The following COQ8A variants were observed in gnomAD, a reference collection of about 807,000 sequenced individuals.
COQ8A encodes coenzyme Q8A, also known as atypical kinase COQ8A, mitochondrial.
COQ8A carries 51 observed loss-of-function variants against 65.0 expected under a neutral mutation model. The ratio of observed to expected loss-of-function variants is 0.78; its 90% CI spans 0.63 to 0.99. The LOEUF is 0.99. Ranked by LOEUF, COQ8A falls within the 50% of genes least tolerant of loss-of-function variation. The probability of loss-of-function intolerance (pLI) is 0.00; values close to 1 mark genes in which losing one functional copy is unlikely to be tolerated. For missense variants in COQ8A, 940 were observed against 875.0 expected, an observed-to-expected ratio of 1.07 and a Z score of -0.94; for synonymous variants, 371 against 353.2, an observed-to-expected ratio of 1.05 and a Z score of -0.57.
In COQ8A at chr1:226,983,866, G is replaced by A. The variant is rs772918474; in HGVS notation, c.1256+12G>A. The A allele has an allele frequency of 2.6e-5, 42 of 1,597,344 alleles. No individual in the cohort carries two copies. The highest frequency in any genetic ancestry group is 5.5e-5 in the South Asian group (5 of 90,524). On this transcript the variant is annotated intron_variant, in intron 10 of 14. Coordinates refer to ENST00000366777, the MANE Select transcript of COQ8A (RefSeq NM_020247.5). ...GCCCGCAAGTTCAGGTGTGGCCCCCGGCCGGGCCCCTTGCGTGTTTGCACC... is the reference window on the plus strand; with the variant it reads ...GCCCGCAAGTTCAGGTGTGGCCCCCAGCCGGGCCCCTTGCGTGTTTGCACC...
In COQ8A at chr1:226,978,604, TACACACCCGCCCACCTTACACTCC is replaced by T. The variant is rs1467196463; in HGVS notation, c.730+1098_730+1121del. Among the ~76,000 whole-genome samples, 495 of 66,390 alleles carry T rather than the reference TACACACCCGCCCACCTTACACTCC, an allele frequency of 7.5e-3. 34 individuals are homozygous for T. The highest frequency in any genetic ancestry group is 0.019 in the African/African-American group (456 of 23,678). 43.6% of individuals were successfully genotyped at this position (66,390 alleles called of 152,430 possible). On this transcript the variant is annotated intron_variant, in intron 5 of 14. Transcript: ENST00000366777. ...CACACTCTCCACACACTCTACCCTC[TACACACCCGCCCACCTTACACTCC>T]ACACACCCGCCCACCTCCTTACCCT... is the stretch of plus-strand genomic sequence containing the variant.
chr1:226,960,391 A>AGTGGTACTTG lies in COQ8A; in HGVS notation c.-9-981_-9-980insACTTGGTGGT, dbSNP rs1658132693. Among the ~76,000 whole-genome samples the AGTGGTACTTG allele has an allele frequency of 3.5e-4, 2 of 5,652 alleles. 1 individual carries two copies. Among genetic ancestry groups the AGTGGTACTTG allele is most frequent in the African/African-American group, 2.3e-3 (2 of 874 alleles). The allele number at this position is 5,652 out of a possible 152,430, so 3.7% of individuals were successfully genotyped here. ...GGTGGTGGTGGTACTTGGTGGTGTC[A>AGTGGTACTTG]GTGGTGGTACTTGGTGGTGGCGGTG... On this transcript the variant is annotated intron_variant, in intron 1 of 14. Coordinates refer to ENST00000366777, the MANE Select transcript of COQ8A (RefSeq NM_020247.5).
At position 226,977,898 on chromosome 1, in the gene COQ8A, C is replaced by T. The variant is rs117760107; in HGVS notation, c.730+375C>T. On this transcript the variant is annotated intron_variant, in intron 5 of 14. Coordinates refer to ENST00000366777, the MANE Select transcript of COQ8A (RefSeq NM_020247.5). The stretch of plus-strand genomic sequence containing the variant: ...CCCGCAGACCTTACCCCTTCCACAC[C>T]CAGCGAACACGCGCACACCTTACAC... Among the ~76,000 whole-genome samples the T allele has an allele frequency of 2.4e-3, 365 of 150,106 alleles. 9 individuals carry two copies. The East Asian group carries it at 0.047, about 19-fold the overall frequency.
At chr1:226,981,204 C>CAGCA (rs1659663076) in intron 5 of COQ8A, among the ~76,000 whole-genome samples, 1 of 152,226 alleles carries the variant, frequency 6.6e-6, no homozygotes, top group Admixed American at 6.5e-5. Flanking sequence ...CCTCTGTCTG[C>CAGCA]CTCTGGATAG....
chr1:226,949,771 G>A lies in COQ8A; in HGVS notation c.-10+9372G>A, dbSNP rs1391538186. On this transcript the variant is annotated intron_variant, in intron 1 of 14. Transcript: ENST00000366777. This position sits in a 1 kb window ranked among gnomAD's most constrained non-coding sequence, Gnocchi z 4.0. ...TGCAATACTACTACTAATAATAATG[G>A]CATTAGCTAATGGTTTTTAAGCACC... 1.3e-5 allele frequency among the ~76,000 whole-genome samples: 2 copies of A among 152,128 alleles called. No homozygotes were observed. Among genetic ancestry groups the A allele is most frequent in the East Asian group, 3.8e-4 (2 of 5,200 alleles).
intron 1 of COQ8A, among the ~76,000 whole-genome samples, chr1:226,959,319 G>A (rs1658004626): frequency 6.6e-6 from 1 of 152,016 alleles, no homozygotes; most frequent in African/African-American, 2.4e-5. Flanking sequence ...TGAGGTGGGA[G>A]GATCAGTTGA....
chr1:226,983,998 TGAA>T, intron 10 of COQ8A, 93 bp from the exon 11 acceptor site: 1 of 1,435,380 alleles, frequency 7.0e-7, no homozygotes, highest in Non-Finnish European at 9.3e-7. Context: ...CTGCCTGGGG[TGAA>T]GGAGGGCCCT....
chr1:226,983,566 C>T lies in COQ8A; in HGVS notation c.1095C>T (p.Ala365=), dbSNP rs776677906. Reference sequence around the variant, plus strand: ...TACCCCCACAGTACCCTGGCGTGGCCCAGAGCATCAACAGTGATGTCAACA... The same window carrying T: ...TACCCCCACAGTACCCTGGCGTGGCTCAGAGCATCAACAGTGATGTCAACA... ...VAMKIQYPGV[A]QSINSDVNNL... is the part of the protein sequence containing the mutation. Residue 365 remains alanine (A), a synonymous_variant, in exon 9 of 15, where the codon GCC becomes GCT. Coordinates refer to ENST00000366777, the MANE Select transcript of COQ8A (RefSeq NM_020247.5). 1.9e-6 allele frequency: 3 copies of T among 1,613,862 alleles called. No homozygotes were observed. Among genetic ancestry groups the T allele is most frequent in the Non-Finnish European group, 2.5e-6 (3 of 1,179,992 alleles).
Position 226,965,489 on chromosome 1 carries a change from T to C in COQ8A, c.588+79T>C, listed in dbSNP as rs1320025897. The C allele has an allele frequency of 4.5e-6, 7 of 1,563,112 alleles. No homozygotes were observed. The African/African-American group carries it at 6.7e-5, about 15-fold the overall frequency. ...TGGCCTTGGGCTCTGCTCTAGGGAC[T>C]TTTCCTGGGTGCTGTGGTCTGGGGT... On this transcript the variant is annotated intron_variant, in intron 3 of 14. Transcript: ENST00000366777.
At chr1:226,985,855 G>A (rs985909903) in intron 14 of COQ8A, among the ~76,000 whole-genome samples, 1 of 152,184 alleles carries the variant, frequency 6.6e-6, no homozygotes, top group African/African-American at 2.4e-5. Context: ...GTCATTTGAG[G>A]CTTGTCAGTA....
chr1:226,964,854 C>A, intron 2 of COQ8A, 146 bp from the exon 3 acceptor site: 1 of 897,194 alleles, frequency 1.1e-6, no homozygotes, highest in East Asian at 2.6e-5. Context: ...GGAAGGGTGC[C>A]GGGCCTCAGG....
Position 226,983,542 on chromosome 1 carries a change from A to G in COQ8A, c.1081-10A>G. 6.2e-7 allele frequency: 1 copy of G among 1,613,276 alleles called. No homozygotes were observed. The highest frequency in any genetic ancestry group is 8.5e-7 in the Non-Finnish European group (1 of 1,179,694). On this transcript the variant is annotated splice_polypyrimidine_tract_variant and intron_variant, in intron 8 of 14. Transcript: ENST00000366777. ...GGGCTAACTCCCCTGCCTCACCCAT[A>G]CCCCCACAGTACCCTGGCGTGGCCC... is the stretch of plus-strand genomic sequence containing the variant.
At position 226,960,461 on chromosome 1, in the gene COQ8A, A is replaced by T. The variant is rs1346557896; in HGVS notation, c.-9-916A>T. Among the ~76,000 whole-genome samples, 197 of 108,164 alleles carry T rather than the reference A, an allele frequency of 1.8e-3. 3 individuals are homozygous for T. Among genetic ancestry groups the T allele is most frequent in the Non-Finnish European group, 2.0e-3 (111 of 54,324 alleles). 71.0% of individuals were successfully genotyped at this position (108,164 alleles called of 152,430 possible). On this transcript the variant is annotated intron_variant, in intron 1 of 14. Transcript: ENST00000366777. Reference sequence around the variant, plus strand: ...GGTGGTACTTGGTGGTGGTGGCAGTACTTGGTGGTGGTGGCAGTGGTACTT... The same window carrying T: ...GGTGGTACTTGGTGGTGGTGGCAGTTCTTGGTGGTGGTGGCAGTGGTACTT...
At chr1:226,976,831 C>T (rs994240476) in intron 4 of COQ8A, among the ~76,000 whole-genome samples, 45 of 152,188 alleles carry the variant, frequency 3.0e-4, no homozygotes, top group African/African-American at 1.1e-3. Flanking sequence ...TTGCCAGCCC[C>T]GCAGAAAGGG....
chr1:226,984,332 G>A, intron 11 of COQ8A, 97 bp downstream of exon 11: 1 of 1,564,520 alleles, frequency 6.4e-7, no homozygotes, highest in Non-Finnish European at 8.7e-7. Flanking sequence ...GAGCCCTGAG[G>A]TGCTCCCTGG....
intron 4 of COQ8A, among the ~76,000 whole-genome samples, chr1:226,976,359 C>T (rs1321767035): frequency 6.8e-6 from 1 of 146,338 alleles, no homozygotes; most frequent in African/African-American, 2.5e-5. Flanking sequence ...TGTGGGACTG[C>T]GATGTTGCCT....
chr1:226,949,129 C>T lies in COQ8A; in HGVS notation c.-10+8730C>T, dbSNP rs531240488. Among the ~76,000 whole-genome samples the T allele has an allele frequency of 1.5e-4, 22 of 151,716 alleles. No homozygotes were observed. The highest frequency in any genetic ancestry group is 2.5e-4 in the Non-Finnish European group (17 of 67,982). ...TTTCAGACGTACAGAGATGAAGGGG[C>T]GAGCGGGCCTGCCTGAGAAAGTAGG... On this transcript the variant is annotated intron_variant, in intron 1 of 14. Coordinates refer to ENST00000366777, the MANE Select transcript of COQ8A (RefSeq NM_020247.5). This position sits in a 1 kb window ranked among gnomAD's most constrained non-coding sequence, Gnocchi z 4.0.
intron 1 of COQ8A, among the ~76,000 whole-genome samples, chr1:226,956,948 C>T (rs1558184587): frequency 8.5e-6 from 1 of 117,556 alleles, no homozygotes; most frequent in Non-Finnish European, 1.8e-5. Context: ...TCTCACTCTC[C>T]CTGGTTCACA....
At chr1:226,956,512 T>A (rs1285145433) in intron 1 of COQ8A, among the ~76,000 whole-genome samples, 3 of 107,738 alleles carry the variant, frequency 2.8e-5, no homozygotes, top group Admixed American at 2.5e-4. Context: ...GTTCACACTC[T>A]CCCTGGCTCC....
Sources: gnomAD v4.1 joint callset for allele counts (sites outside exome capture counted in the v4.1 genomes callset) on GRCh38, gnomAD v4.1.1 for gene constraint, Gnocchi (gnomAD v3.1) non-coding constraint, MANE v1.5 for transcripts, NCBI Gene and HGNC (gene_info 2026-07-23, HGNC 2026-07-21) for gene names.